The following SEMA3C variants were observed in gnomAD, a reference collection of about 807,000 sequenced individuals.
The protein encoded by SEMA3C is semaphorin 3C, also known as semaphorin-3C.
Under a neutral mutation model 89.4 loss-of-function variants are expected in SEMA3C, and 47 were observed. The observed-to-expected ratio is 0.53, with a 90% CI of 0.42 to 0.67. SEMA3C has a LOEUF of 0.67. Among genes scored for constraint, SEMA3C ranks in the 30% least tolerant of loss-of-function variants. The pLI is 0.00. For missense variants in SEMA3C, 839 were observed against 929.1 expected (o/e 0.90, Z 1.26); for synonymous variants, 310 against 320.2 (o/e 0.97, Z 0.34).
chr7:80,882,412 C>CTTTTTTTTTT (rs763742493), intron 2 of SEMA3C, among the ~76,000 whole-genome samples: 1 of 46,664 alleles, frequency 2.1e-5, no homozygotes, highest in Non-Finnish European at 4.0e-5. Context: ...GTAAGGGATG[C>CTTTTTTTTTT]TTTTTTTTTT....
intron 5 of SEMA3C, among the ~76,000 whole-genome samples, chr7:80,815,725 C>T (rs1304062455): frequency 6.6e-6 from 1 of 151,766 alleles, no homozygotes; most frequent in Non-Finnish European, 1.5e-5. Context: ...TGGCAAATTT[C>T]ATTCAAAAAG....
intron 13 of SEMA3C, among the ~76,000 whole-genome samples, chr7:80,763,822 A>C (rs1051169440): frequency 1.6e-4 from 24 of 152,298 alleles, no homozygotes; most frequent in Middle Eastern, 3.4e-3. Flanking sequence ...GTTCTATATA[A>C]TGTGATTCTG....
At chr7:80,787,990 A>T (rs1450447148) in intron 12 of SEMA3C, among the ~76,000 whole-genome samples, 1 of 152,206 alleles carries the variant, frequency 6.6e-6, no homozygotes, top group African/African-American at 2.4e-5. Context: ...TCAGTCTCAG[A>T]CCATAAAGCT....
intron 4 of SEMA3C, among the ~76,000 whole-genome samples, chr7:80,823,362 AAGAGAT>A (rs750482842): frequency 7.2e-5 from 11 of 152,194 alleles, no homozygotes; most frequent in Non-Finnish European, 1.3e-4. Context: ...AAGAGCTAAT[AAGAGAT>A]GGTTTATTTT....
rs1787774417 is a variant in SEMA3C, at chr7:80,745,258, CG to C, written c.1891del (p.Arg631AlafsTer24). On this transcript the variant is annotated frameshift_variant, in exon 18 of 18. Coordinates refer to ENST00000265361, the MANE Select transcript of SEMA3C (RefSeq NM_006379.5). LOFTEE classifies it high-confidence loss of function. ...TCCTTGGTCAGAACCCTGAACAGAG[CG>C]GATCAGGAGTCCCTGTGAAGTGGCT... Reference protein sequence around the residue: ...IIATSQGLLIRSVQGSDQGLY... With the variant: ...IIATSQGLLIXSVQGSDQGLY... 3 of 1,613,782 alleles carry C rather than the reference CG, an allele frequency of 1.9e-6. No individual in the cohort carries two copies. The highest frequency in any genetic ancestry group is 2.5e-6 in the Non-Finnish European group (3 of 1,179,936).
At chr7:80,916,307 G>A (rs1185778339) in intron 2 of SEMA3C, among the ~76,000 whole-genome samples, 2 of 152,108 alleles carry the variant, frequency 1.3e-5, no homozygotes, top group African/African-American at 4.8e-5. Flanking sequence ...AACCTGCATA[G>A]CTCTCTCTGC....
At chr7:80,921,202 A>G (rs1271224144), upstream of SEMA3C, among the ~76,000 whole-genome samples, 2 of 152,222 alleles carry the variant, frequency 1.3e-5, no homozygotes, top group Non-Finnish European at 2.9e-5. Flanking sequence ...ATCACAGCCC[A>G]TGAAATTTGT....
intron 13 of SEMA3C, 136 bp from the exon 14 acceptor site, chr7:80,761,793 A>C (rs181326846): frequency 1.7e-4 from 92 of 532,342 alleles, no homozygotes; most frequent in African/African-American, 1.7e-3. Flanking sequence ...ATTACTTGTT[A>C]TATAAAATAC....
intron 2 of SEMA3C, among the ~76,000 whole-genome samples, chr7:80,863,832 G>GATATGTGAT (rs1790844191): frequency 2.0e-5 from 2 of 100,738 alleles, no homozygotes; most frequent in East Asian, 6.3e-4. Context: ...TGTGATATGT[G>GATATGTGAT]ATATATATAT....
intron 5 of SEMA3C, among the ~76,000 whole-genome samples, chr7:80,815,741 G>T (rs975713944): frequency 6.6e-6 from 1 of 151,852 alleles, no homozygotes; most frequent in Non-Finnish European, 1.5e-5. Context: ...AAAAGCATAG[G>T]GGATAATTTT....
At chr7:80,907,381 A>C (rs1006125293) in intron 2 of SEMA3C, among the ~76,000 whole-genome samples, 3 of 152,098 alleles carry the variant, frequency 2.0e-5, no homozygotes, top group Non-Finnish European at 1.5e-5. Context: ...AATAAAATTC[A>C]AAATGCTCTT....
intron 2 of SEMA3C, among the ~76,000 whole-genome samples, chr7:80,833,278 C>A (rs1322583680): frequency 1.3e-5 from 2 of 151,782 alleles, no homozygotes; most frequent in South Asian, 4.2e-4. Flanking sequence ...ACTAAAAATA[C>A]AAAAATTAGC....
rs547362612 is a variant in SEMA3C at position 80,743,116 on chromosome 7, G to A, written c.*1778C>T. On this transcript the variant is annotated 3_prime_UTR_variant, in exon 18 of 18. Coordinates refer to ENST00000265361, the MANE Select transcript of SEMA3C (RefSeq NM_006379.5). ...TGACACATTTCTGTGTGTCAATGTA[G>A]AAGAGAAAAGAAGTTTAATTATACC... 6.6e-6 allele frequency: 1 copy of A among 151,942 alleles called. No homozygotes were observed. Among genetic ancestry groups the A allele is most frequent in the South Asian group, 2.1e-4 (1 of 4,818 alleles). The allele number at this position is 151,942 out of a possible 1,614,324, so 9.4% of individuals were successfully genotyped here.
At chr7:80,745,531 G>A (rs1345969415) in intron 17 of SEMA3C, among the ~76,000 whole-genome samples, 1 of 151,366 alleles carries the variant, frequency 6.6e-6, no homozygotes, top group Non-Finnish European at 1.5e-5. Flanking sequence ...GAATCTAATA[G>A]AGGGTGAAGA....
At chr7:80,764,639 T>C (rs755975606) in intron 13 of SEMA3C, among the ~76,000 whole-genome samples, 20 of 152,116 alleles carry the variant, frequency 1.3e-4, no homozygotes, top group Admixed American at 6.6e-5. Context: ...AAATCTCAAG[T>C]TCTGAGTGGT....
chr7:80,755,232 A>C (rs1200827400), intron 15 of SEMA3C, among the ~76,000 whole-genome samples: 1 of 151,752 alleles, frequency 6.6e-6, no homozygotes, highest in Non-Finnish European at 1.5e-5. Flanking sequence ...AGTATGATTA[A>C]AATTATAATT....
chr7:80,765,521 C>T (rs1024602271), intron 12 of SEMA3C, among the ~76,000 whole-genome samples: 9 of 152,054 alleles, frequency 5.9e-5, no homozygotes, highest in African/African-American at 1.4e-4. Context: ...GTCAAAAGTT[C>T]GGAACCAAAT....
In SEMA3C at chr7:80,916,767, T is replaced by G; in HGVS notation, c.15A>C (p.Thr5=). The change falls in exon 2 of 18, where the codon ACA becomes ACC. Residue 5 remains threonine, a synonymous_variant. Coordinates refer to ENST00000265361, the MANE Select transcript of SEMA3C (RefSeq NM_006379.5). ...TAAATACTCCAACCAACACGCAAAT[T>G]GTCCGGAATGCCATTTCTTCAGATA... MAFR[T]ICVLVGVFIC... is the part of the protein sequence containing the mutation. 6.2e-7 allele frequency: 1 copy of G among 1,613,540 alleles called. No homozygotes were observed. The highest frequency in any genetic ancestry group is 1.1e-5 in the South Asian group (1 of 91,054).
At chr7:80,872,836 C>G (rs1036273308) in intron 2 of SEMA3C, among the ~76,000 whole-genome samples, 3 of 137,312 alleles carry the variant, frequency 2.2e-5, no homozygotes, top group African/African-American at 8.0e-5. Context: ...GCTGAATTCT[C>G]ATATTGCTTC....
Sources: allele counts gnomAD v4.1 joint callset (sites outside exome capture counted in the v4.1 genomes callset), GRCh38; gene constraint gnomAD v4.1.1; transcripts MANE v1.5; gene names NCBI Gene and HGNC (gene_info 2026-07-23, HGNC 2026-07-21).